TRPM3: variants seen among roughly 807,000 people sequenced by gnomAD.
TRPM3 encodes long transient receptor potential channel 3.
TRPM3 carries 77 observed loss-of-function variants against 181.2 expected under a neutral mutation model. That is an observed-to-expected ratio of 0.42 (90% confidence interval 0.35 to 0.51). TRPM3 has a LOEUF of 0.51. Ranked by LOEUF, TRPM3 falls within the 20% of genes least tolerant of loss-of-function variation. The pLI is 0.01. For synonymous variants in TRPM3, 745 were observed against 796.4 expected, an observed-to-expected ratio of 0.94 and a Z score of 1.09; for missense variants, 1,759 against 2,196.7, an observed-to-expected ratio of 0.80 and a Z score of 3.98.
At chr9:70,923,444 A>G (rs77073814) in intron 1 of TRPM3, among the ~76,000 whole-genome samples, 8,674 of 152,232 alleles carry the variant, frequency 0.057, 284 homozygotes, top group South Asian at 0.081. Flanking sequence ...CTTAAAATGT[A>G]TTTAATTTTT....
chr9:70,542,319 A>C (rs542488354), intron 25 of TRPM3, among the ~76,000 whole-genome samples: 1 of 152,336 alleles, frequency 6.6e-6, no homozygotes, highest in South Asian at 2.1e-4. Context: ...TACAGTGACT[A>C]AGAAAAAAAG....
chr9:70,598,804 G>T, intron 20 of TRPM3, 134 bp from the exon 21 acceptor site: 1 of 1,088,586 alleles, frequency 9.2e-7, no homozygotes, highest in Non-Finnish European at 1.3e-6. Flanking sequence ...ATACTTGCAT[G>T]CTGTAAAAGT....
At position 70,936,791 on chromosome 9, in the gene TRPM3, G is replaced by A. The variant is rs550843663; in HGVS notation, c.178-72280C>T. Reference sequence around the variant, plus strand: ...TGTCCCTGTACGTAAAGTGAAATAAGATCAAATTCATTTGAACACAGCTTA... The same window carrying A: ...TGTCCCTGTACGTAAAGTGAAATAAAATCAAATTCATTTGAACACAGCTTA... On this transcript the variant is annotated intron_variant, in intron 1 of 25. Transcript: ENST00000677713. Among the ~76,000 whole-genome samples, 32 of 152,246 alleles carry A rather than the reference G, an allele frequency of 2.1e-4. No homozygotes were observed. In the South Asian group the frequency reaches 6.6e-3, roughly 32 times the overall value.
At chr9:71,157,375 C>CA (rs1207960040) in intron 1 of TRPM3, among the ~76,000 whole-genome samples, 1 of 151,964 alleles carries the variant, frequency 6.6e-6, no homozygotes, top group East Asian at 1.9e-4. Flanking sequence ...CTTTTTATTC[C>CA]AAAAAATTCC....
chr9:70,593,154 G>T (rs1589008069), intron 21 of TRPM3, among the ~76,000 whole-genome samples: 1 of 152,152 alleles, frequency 6.6e-6, no homozygotes, highest in East Asian at 1.9e-4. Flanking sequence ...CACAAGTGTT[G>T]CATGACTTAA....
chr9:71,310,218 AATCT>A (rs1265182762), intron 1 of TRPM3, among the ~76,000 whole-genome samples: 11 of 152,204 alleles, frequency 7.2e-5, no homozygotes, highest in Admixed American at 2.6e-4. Context: ...CTGAAATTAT[AATCT>A]ATTATGTTGT....
At chr9:70,845,053 G>C (rs911817812) in intron 4 of TRPM3, among the ~76,000 whole-genome samples, 11 of 152,152 alleles carry the variant, frequency 7.2e-5, no homozygotes, top group Admixed American at 6.5e-4. Context: ...CAGTGTATGG[G>C]CTGAGTCAGA....
intron 9 of TRPM3, among the ~76,000 whole-genome samples, chr9:70,675,525 TC>T (rs1590159196): frequency 6.6e-6 from 1 of 152,200 alleles, no homozygotes; most frequent in East Asian, 1.9e-4. Context: ...TGTCTGAAGA[TC>T]AGAAACACAT....
At chr9:71,268,850 A>T (rs993078968) in intron 1 of TRPM3, among the ~76,000 whole-genome samples, 4 of 151,964 alleles carry the variant, frequency 2.6e-5, no homozygotes, top group Non-Finnish European at 5.9e-5. Flanking sequence ...ATTAAAAATT[A>T]AAAAAAACAA....
In TRPM3 at chr9:70,846,442, C is replaced by T. The variant is rs764827114; in HGVS notation, c.612G>A (p.Gly204=). Residue 204 remains glycine, a synonymous_variant, in exon 4 of 26, where the codon GGG becomes GGA. Transcript: ENST00000677713. The stretch of plus-strand genomic sequence containing the variant: ...TCATTGCTGCTTTGATGAGCCCTTT[C>T]CCAAAGACTTGCTTGAGTTTTGGCT... ...ELQPKLKQVF[G]KGLIKAAMTT... 1.9e-6 allele frequency: 3 copies of T among 1,614,156 alleles called. No individual in the cohort carries two copies. In the South Asian group the frequency reaches 3.3e-5, roughly 18 times the overall value.
chr9:70,580,568 T>C (rs114969703), intron 22 of TRPM3, among the ~76,000 whole-genome samples: 2,391 of 152,208 alleles, frequency 0.016, 58 homozygotes, highest in African/African-American at 0.054. Flanking sequence ...TAGAGGCTAG[T>C]TCCAGGCTGG....
At chr9:71,421,462 T>C (rs1474531086) in intron 1 of TRPM3, among the ~76,000 whole-genome samples, 1 of 151,978 alleles carries the variant, frequency 6.6e-6, no homozygotes, top group Non-Finnish European at 1.5e-5. Context: ...CTCCTTTCTC[T>C]ACCAGGAAAG....
intron 1 of TRPM3, among the ~76,000 whole-genome samples, chr9:71,314,342 C>T (rs143819699): frequency 6.6e-6 from 1 of 152,098 alleles, no homozygotes; most frequent in Non-Finnish European, 1.5e-5. Context: ...CATAGTCCTG[C>T]CTTCCTTATT....
At chr9:71,186,481 C>T (rs577559741) in intron 1 of TRPM3, among the ~76,000 whole-genome samples, 112 of 152,080 alleles carry the variant, frequency 7.4e-4, no homozygotes, top group Admixed American at 2.6e-3. Context: ...TTTTTTAAGG[C>T]AAATTCTATG....
At position 70,532,161 on chromosome 9, in the gene TRPM3, G is replaced by A. The variant is rs990867080; in HGVS notation, c.*3792C>T. On this transcript the variant is annotated 3_prime_UTR_variant, in exon 26 of 26. Coordinates refer to ENST00000677713, the MANE Select transcript of TRPM3 (RefSeq NM_001366145.2). ...ATAGATAGAGCATGATGGATGACCG[G>A]GTAATATTTATCATCTTTAAAGAAA... 1.3e-5 allele frequency: 2 copies of A among 151,982 alleles called. No individual in the cohort carries two copies. Among genetic ancestry groups the A allele is most frequent in the Non-Finnish European group, 1.5e-5 (1 of 68,000 alleles). 9.4% of individuals were successfully genotyped at this position (151,982 alleles called of 1,614,324 possible). A position where few individuals can be genotyped will look rare whatever the true frequency, so the allele number is the denominator to read the frequency against.
In TRPM3 at chr9:71,331,167, C is replaced by T. The variant is rs191208312; in HGVS notation, c.183+115486G>A. Reference sequence around the variant, plus strand: ...TCATAAATGTGTGTTAATTATACCACAATAAAAATAATCCTAGGCAAAATT... The same window carrying T: ...TCATAAATGTGTGTTAATTATACCATAATAAAAATAATCCTAGGCAAAATT... On this transcript the variant is annotated intron_variant, in intron 1 of 24. Transcript: ENST00000357533. Among the ~76,000 whole-genome samples the T allele has an allele frequency of 8.3e-4, 126 of 151,846 alleles. 2 individuals are homozygous for T. The highest frequency in any genetic ancestry group is 3.0e-3 in the African/African-American group (124 of 41,410).
intron 1 of TRPM3, among the ~76,000 whole-genome samples, chr9:71,059,947 T>C (rs992175318): frequency 6.6e-6 from 1 of 151,920 alleles, no homozygotes; most frequent in African/African-American, 2.4e-5. Context: ...GTGAAAACTA[T>C]GGTATGAGGA....
chr9:70,783,670 C>T (rs543805137), intron 7 of TRPM3, among the ~76,000 whole-genome samples: 38 of 152,294 alleles, frequency 2.5e-4, no homozygotes, highest in South Asian at 1.7e-3. Flanking sequence ...ACAGTGGCTT[C>T]GCAATGCTGG....
At chr9:71,286,466 A>T (rs2085286138) in intron 1 of TRPM3, among the ~76,000 whole-genome samples, 1 of 152,174 alleles carries the variant, frequency 6.6e-6, no homozygotes, top group South Asian at 2.1e-4. Flanking sequence ...TAATTCTTTA[A>T]TACATCACTA....
Sources: gnomAD v4.1 joint callset for allele counts (sites outside exome capture counted in the v4.1 genomes callset) on GRCh38, gnomAD v4.1.1 for gene constraint, MANE v1.5 for transcripts, NCBI Gene and HGNC (gene_info 2026-07-23, HGNC 2026-07-21) for gene names.